The following AGTPBP1 variants were observed in gnomAD, a reference collection of about 807,000 sequenced individuals.
The protein encoded by AGTPBP1 is cytosolic carboxypeptidase 1.
AGTPBP1 carries 70 observed loss-of-function variants against 143.9 expected under a neutral mutation model. That is an observed-to-expected ratio of 0.49 (90% CI 0.40 to 0.59). The LOEUF is 0.59. Ranked by LOEUF, AGTPBP1 falls within the 20% of genes least tolerant of loss-of-function variation. The pLI is 0.00. For synonymous variants in AGTPBP1, 463 were observed against 500.2 expected (o/e 0.93, Z 0.99); for missense variants, 1,229 against 1,464.5 (o/e 0.84, Z 2.62).
chr9:85,628,753 G>A (rs1831463113), intron 14 of AGTPBP1, among the ~76,000 whole-genome samples: 2 of 152,046 alleles, frequency 1.3e-5, no homozygotes, highest in South Asian at 4.1e-4. Flanking sequence ...TCACTCTGTT[G>A]CCCAAGCTGG....
intron 2 of AGTPBP1, among the ~76,000 whole-genome samples, chr9:85,710,645 A>C (rs2134463345): frequency 6.6e-6 from 1 of 152,208 alleles, no homozygotes; most frequent in East Asian, 1.9e-4. Flanking sequence ...TTAGACGAAG[A>C]CTATTTGCAG....
At chr9:85,630,411 T>G (rs1831587424) in intron 14 of AGTPBP1, among the ~76,000 whole-genome samples, 1 of 152,128 alleles carries the variant, frequency 6.6e-6, no homozygotes, top group African/African-American at 2.4e-5. Context: ...TAGTTATTTA[T>G]TTATTGAGAC....
chr9:85,620,897 A>C (rs1245405825), intron 15 of AGTPBP1, among the ~76,000 whole-genome samples: 1 of 152,212 alleles, frequency 6.6e-6, no homozygotes, highest in Middle Eastern at 3.2e-3. Flanking sequence ...AAGTGAAAGT[A>C]ATTTCAGTTT....
the AGTPBP1 span, among the ~76,000 whole-genome samples, chr9:85,778,077 AG>A: frequency 2.0e-5 from 3 of 152,220 alleles, no homozygotes; most frequent in Admixed American, 2.0e-4. Flanking sequence ...GAGAGAAGGC[AG>A]GGTGGCGAGT....
intron 14 of AGTPBP1, among the ~76,000 whole-genome samples, chr9:85,628,656 C>T (rs1209475597): frequency 4.6e-5 from 7 of 152,146 alleles, no homozygotes; most frequent in African/African-American, 1.4e-4. Context: ...TTTTTCTCAT[C>T]GCAAATTTTC....
intron 14 of AGTPBP1, among the ~76,000 whole-genome samples, chr9:85,629,217 T>A (rs1431613614): frequency 6.6e-6 from 1 of 152,192 alleles, no homozygotes; most frequent in Non-Finnish European, 1.5e-5. Flanking sequence ...AGTGGTATAT[T>A]AGACTGTACA....
In AGTPBP1 at chr9:85,547,303, C is replaced by G. The variant is rs762710629; in HGVS notation, c.3504-17G>C. 3.1e-6 allele frequency: 5 copies of G among 1,595,330 alleles called. No homozygotes were observed. The South Asian group carries it at 5.7e-5, about 18-fold the overall frequency. On this transcript the variant is annotated splice_polypyrimidine_tract_variant and intron_variant, in intron 25 of 25. Transcript: ENST00000357081. ...GTGGTAGGGCTGCAGCCAAAACACACAGAACATACAAGACTTTGTGAGGTC... is the reference window on the plus strand; with the variant it reads ...GTGGTAGGGCTGCAGCCAAAACACAGAGAACATACAAGACTTTGTGAGGTC...
At chr9:85,742,400 C>T (rs1002552431), upstream of AGTPBP1, among the ~76,000 whole-genome samples, 3 of 151,372 alleles carry the variant, frequency 2.0e-5, no homozygotes, top group African/African-American at 7.3e-5. Context: ...AGGAAGGGTT[C>T]TTAAAGCTCC....
intron 20 of AGTPBP1, 68 bp from the exon 21 acceptor site, chr9:85,588,546 G>T: frequency 1.3e-6 from 2 of 1,500,938 alleles, no homozygotes; most frequent in Non-Finnish European, 1.8e-6. Context: ...TTACTTTGGG[G>T]CTTTAGAAAT....
chr9:85,561,487 A>G (rs1440013984), intron 25 of AGTPBP1, among the ~76,000 whole-genome samples: 3 of 152,148 alleles, frequency 2.0e-5, no homozygotes, highest in Admixed American at 6.6e-5. Context: ...AACAGAATCC[A>G]TATCTTTGAT....
At chr9:85,797,607 C>A in the AGTPBP1 span, among the ~76,000 whole-genome samples, 4 of 152,094 alleles carry the variant, frequency 2.6e-5, no homozygotes, top group African/African-American at 9.7e-5. Flanking sequence ...CTGGAACCTC[C>A]CTTCACCTTC....
At chr9:85,752,653 A>C in the AGTPBP1 span, among the ~76,000 whole-genome samples, 1 of 152,198 alleles carries the variant, frequency 6.6e-6, no homozygotes. Context: ...ATCACTATAC[A>C]TTATATGTAT....
At chr9:85,595,524 TTTTA>T (rs372918382) in intron 18 of AGTPBP1, among the ~76,000 whole-genome samples, 2 of 152,216 alleles carry the variant, frequency 1.3e-5, no homozygotes, top group South Asian at 2.1e-4. Flanking sequence ...CACTTATTTA[TTTTA>T]TTTATTTATT....
At chr9:85,646,482 G>A in intron 11 of AGTPBP1, 64 bp from the exon 12 acceptor site, 1 of 1,069,796 alleles carries the variant, frequency 9.3e-7, no homozygotes, top group Non-Finnish European at 1.4e-6. Flanking sequence ...CATAGCCAAT[G>A]GTAGAATGTG....
At chr9:85,573,813 A>T (rs1331877181) in intron 25 of AGTPBP1, among the ~76,000 whole-genome samples, 1 of 150,834 alleles carries the variant, frequency 6.6e-6, no homozygotes, top group African/African-American at 2.5e-5. Flanking sequence ...CTGGGAGGTG[A>T]GGAGCGTCTC....
At chr9:85,679,269 T>C (rs1216668664) in intron 4 of AGTPBP1, among the ~76,000 whole-genome samples, 1 of 152,204 alleles carries the variant, frequency 6.6e-6, no homozygotes, top group Non-Finnish European at 1.5e-5. Flanking sequence ...CACTGTACTT[T>C]GGTTTTATTT....
chr9:85,700,393 A>G (rs143837259), intron 2 of AGTPBP1, among the ~76,000 whole-genome samples: 1 of 152,262 alleles, frequency 6.6e-6, no homozygotes, highest in African/African-American at 2.4e-5. Context: ...AAAAAGAGAG[A>G]TGTGGCAAAT....
At chr9:85,599,022 G>A (rs1465421616) in intron 17 of AGTPBP1, among the ~76,000 whole-genome samples, 2 of 151,804 alleles carry the variant, frequency 1.3e-5, no homozygotes, top group East Asian at 1.9e-4. Context: ...GTACCCGGCC[G>A]ACTGACACTA....
Position 85,678,359 on chromosome 9 carries a change from T to C in AGTPBP1, c.265A>G (p.Ile89Val). The change falls in exon 5 of 26, where the codon ATT (isoleucine) becomes GTT (valine). Residue 89 changes from isoleucine to valine, a missense_variant. Coordinates refer to ENST00000357081, the MANE Select transcript of AGTPBP1 (RefSeq NM_001330701.2). ...CCAGCTGACACCAGCTCAACAAGAA[T>C]GCTTAAGATATTAAGTGTAGTTTGA... The part of the protein sequence containing the change: ...DLQTTLNILS[I>V]LVELVSAGGG... 6.3e-7 allele frequency: 1 copy of C among 1,595,910 alleles called. No homozygotes were observed. Among genetic ancestry groups the C allele is most frequent in the Non-Finnish European group, 8.6e-7 (1 of 1,168,740 alleles).
Sources: gnomAD v4.1 joint callset for allele counts (sites outside exome capture counted in the v4.1 genomes callset) on GRCh38, gnomAD v4.1.1 for gene constraint, MANE v1.5 for transcripts, NCBI Gene and HGNC (gene_info 2026-07-23, HGNC 2026-07-21) for gene names.